Variants in PTPRD observed in about 807,000 individuals in gnomAD.
PTPRD encodes the protein receptor-type tyrosine-protein phosphatase delta.
Under a neutral mutation model 214.5 loss-of-function variants are expected in PTPRD, and 34 were observed. The ratio of observed to expected loss-of-function variants is 0.16; its 90% confidence interval spans 0.12 to 0.21. The LOEUF (loss-of-function observed/expected upper bound fraction) is 0.21, where lower values mean the gene tolerates loss of function less well. Ranked by LOEUF, PTPRD falls within the 10% of genes least tolerant of loss-of-function variation. The pLI, the probability that PTPRD is intolerant of heterozygous loss-of-function variation, is 1.00. For synonymous variants in PTPRD, 1,128 were observed against 845.7 expected (o/e 1.33, Z -5.79); for missense variants, 2,545 against 2,398.7 (o/e 1.06, Z -1.27).
intron 39 of PTPRD, among the ~76,000 whole-genome samples, chr9:8,374,372 C>G (rs1217554162): frequency 6.6e-6 from 1 of 151,878 alleles, no homozygotes; most frequent in East Asian, 1.9e-4. Context: ...ACAGACTGAT[C>G]AAACTAGCAC....
At chr9:8,930,055 C>T (rs1487240121) in intron 11 of PTPRD, among the ~76,000 whole-genome samples, 2 of 151,662 alleles carry the variant, frequency 1.3e-5, no homozygotes, top group Admixed American at 1.3e-4. Flanking sequence ...TGGTGTGCTG[C>T]ACCCATTAAC....
At chr9:10,188,169 C>A (rs1295372771) in intron 3 of PTPRD, among the ~76,000 whole-genome samples, 1 of 152,040 alleles carries the variant, frequency 6.6e-6, no homozygotes, top group Non-Finnish European at 1.5e-5. Context: ...TGCTATTCAC[C>A]CTTTTCCTGC....
chr9:8,948,558 T>A (rs1284291320), intron 11 of PTPRD, among the ~76,000 whole-genome samples: 1 of 99,252 alleles, frequency 1.0e-5, no homozygotes, highest in African/African-American at 3.9e-5. Context: ...TATATTTATA[T>A]ATATTTATAT....
chr9:9,704,142 C>T (rs1283900411), intron 7 of PTPRD, among the ~76,000 whole-genome samples: 1 of 152,186 alleles, frequency 6.6e-6, no homozygotes, highest in Admixed American at 6.5e-5. Context: ...TTCTGAATCT[C>T]ATAATGCAAA....
At chr9:9,395,012 G>T (rs1391968368) in intron 9 of PTPRD, among the ~76,000 whole-genome samples, 1 of 151,936 alleles carries the variant, frequency 6.6e-6, no homozygotes, top group Non-Finnish European at 1.5e-5. Context: ...TTGGTACAGG[G>T]GTTTTTCCAT....
chr9:9,026,882 C>T (rs1377321520), intron 10 of PTPRD, among the ~76,000 whole-genome samples: 1 of 151,802 alleles, frequency 6.6e-6, no homozygotes, highest in Non-Finnish European at 1.5e-5. Context: ...ACATTTTAGC[C>T]TTATCAGCCA....
rs1188028550 is a variant in PTPRD, at chr9:9,141,231, T to TC, written c.-143+42072dup. On this transcript the variant is annotated intron_variant, in intron 10 of 45. Transcript: ENST00000381196. ...TTCCCTCCCTCCCCCTTCTCTCTCC[T>TC]CCCCCCGTCTTCCTCTCCCCTCAGG... Among the ~76,000 whole-genome samples the TC allele has an allele frequency of 7.2e-5, 9 of 124,988 alleles. No individual in the cohort carries two copies. The South Asian group carries it at 8.8e-4, about 12-fold the overall frequency. 82.0% of individuals were successfully genotyped at this position (124,988 alleles called of 152,430 possible).
chr9:10,166,193 T>G (rs575479878), intron 3 of PTPRD, among the ~76,000 whole-genome samples: 47 of 150,596 alleles, frequency 3.1e-4, no homozygotes, highest in South Asian at 2.3e-3. Flanking sequence ...CTGTTTAAAT[T>G]TTTAATTTTG....
At chr9:9,918,039 T>C (rs2081433598) in intron 5 of PTPRD, among the ~76,000 whole-genome samples, 1 of 151,940 alleles carries the variant, frequency 6.6e-6, no homozygotes. Context: ...TTACACATAG[T>C]ATTCGAAGTC....
At chr9:8,943,905 C>A (rs2099048567) in intron 11 of PTPRD, among the ~76,000 whole-genome samples, 1 of 151,838 alleles carries the variant, frequency 6.6e-6, no homozygotes, top group East Asian at 1.9e-4. Context: ...CAACTAGGAT[C>A]ACATCACATT....
chr9:8,472,269 A>AAC (rs376085094), intron 30 of PTPRD, among the ~76,000 whole-genome samples: 90 of 152,208 alleles, frequency 5.9e-4, no homozygotes, highest in African/African-American at 2.0e-3. Flanking sequence ...TGAAAATGAA[A>AAC]ACACACACAC....
intron 9 of PTPRD, among the ~76,000 whole-genome samples, chr9:9,384,328 G>C (rs1233008236): frequency 9.7e-6 from 1 of 102,892 alleles, no homozygotes; most frequent in Non-Finnish European, 1.8e-5. Flanking sequence ...GATGATATTT[G>C]AGCAGAAGAC....
intron 2 of PTPRD, among the ~76,000 whole-genome samples, chr9:10,471,510 T>C (rs775399171): frequency 1.3e-5 from 2 of 152,090 alleles, no homozygotes; most frequent in South Asian, 2.1e-4. Flanking sequence ...TCTGAGTTTT[T>C]AGTGTTTGTA....
chr9:8,947,608 A>G (rs2099074064), intron 11 of PTPRD, among the ~76,000 whole-genome samples: 1 of 152,142 alleles, frequency 6.6e-6, no homozygotes, highest in African/African-American at 2.4e-5. Context: ...TTGGATAGGA[A>G]ATAAATTCTT....
chr9:9,955,554 C>T (rs971961071), intron 4 of PTPRD, among the ~76,000 whole-genome samples: 15 of 147,658 alleles, frequency 1.0e-4, no homozygotes, highest in African/African-American at 3.0e-4. Context: ...GACAGAGTCT[C>T]GCTCTGTCGC....
At chr9:9,034,890 T>C (rs2099616647) in intron 10 of PTPRD, among the ~76,000 whole-genome samples, 2 of 152,164 alleles carry the variant, frequency 1.3e-5, no homozygotes. Context: ...GGAATATTCA[T>C]ATGGTGCCTT....
intron 10 of PTPRD, among the ~76,000 whole-genome samples, chr9:9,182,751 T>C (rs1316505438): frequency 6.6e-6 from 1 of 152,020 alleles, no homozygotes; most frequent in East Asian, 1.9e-4. Context: ...CACAAAGTAG[T>C]GAGAACTGAA....
chr9:9,669,886 T>C (rs569985301), intron 7 of PTPRD, among the ~76,000 whole-genome samples: 102 of 152,212 alleles, frequency 6.7e-4, no homozygotes, highest in South Asian at 1.2e-3. Context: ...TCCATAAAGA[T>C]ATGCTTAGCA....
At chr9:9,617,897 C>A (rs531080434) in intron 7 of PTPRD, among the ~76,000 whole-genome samples, 4 of 150,906 alleles carry the variant, frequency 2.7e-5, no homozygotes, top group Non-Finnish European at 5.9e-5. Context: ...ATGGTGAAAC[C>A]CTGTCTCTAC....
Sources: allele counts gnomAD v4.1 joint callset (sites outside exome capture counted in the v4.1 genomes callset), GRCh38; gene constraint gnomAD v4.1.1; transcripts MANE v1.5; gene names NCBI Gene and HGNC (gene_info 2026-07-23, HGNC 2026-07-21).